Variants in TIMM9 observed in about 807,000 individuals in gnomAD.
The protein encoded by TIMM9 is mitochondrial import inner membrane translocase subunit Tim9.
TIMM9 carries 10 observed loss-of-function variants against 13.4 expected under a neutral mutation model. That is an observed-to-expected ratio of 0.75 (90% CI 0.46 to 1.26). TIMM9 has a LOEUF of 1.26. Among genes scored for constraint, TIMM9 ranks in the 50% most tolerant of loss-of-function variants. TIMM9 has a pLI of 0.00. For missense variants in TIMM9, 87 were observed against 100.8 expected (o/e 0.86, Z 0.58); for synonymous variants, 32 against 32.1 (o/e 1.00, Z 0.01).
chr14:58,419,697 G>C (rs1405347993), intron 3 of TIMM9, among the ~76,000 whole-genome samples: 1 of 151,946 alleles, frequency 6.6e-6, no homozygotes, highest in African/African-American at 2.4e-5. Context: ...CTTGAGGCCA[G>C]GAATTTGAGA....
chr14:58,409,064 G>A lies in TIMM9; in HGVS notation c.240C>T (p.Ala80=). 6.2e-7 allele frequency: 1 copy of A among 1,613,720 alleles called. No individual in the cohort carries two copies. Among genetic ancestry groups the A allele is most frequent in the Non-Finnish European group, 8.5e-7 (1 of 1,179,900 alleles). ...YHIQQNEALA[A]KAGLLGQPR ...GTGGTTGGCCAAGGAGTCCTGCTTT[G>A]GCTGCCAGGGCTTCATTCTGCTGAA... Residue 80 remains alanine, a synonymous_variant, in exon 6 of 6, where the codon GCC becomes GCT. Coordinates refer to ENST00000395159, the MANE Select transcript of TIMM9 (RefSeq NM_012460.4).
intron 3 of TIMM9, among the ~76,000 whole-genome samples, chr14:58,422,466 G>A (rs1334745753): frequency 2.0e-5 from 3 of 152,060 alleles, no homozygotes; most frequent in African/African-American, 7.2e-5. Context: ...GGTACCCTGT[G>A]CTGCCTCTAC....
chr14:58,410,695 A>G (rs2036187547), intron 5 of TIMM9, 148 bp downstream of exon 5: 2 of 569,352 alleles, frequency 3.5e-6, no homozygotes, highest in Admixed American at 6.8e-5. Context: ...GCCGTGGTTC[A>G]GTGGCTGCTT....
chr14:58,420,793 C>CAAAAAAAAAA, intron 3 of TIMM9, among the ~76,000 whole-genome samples: 1 of 57,506 alleles, frequency 1.7e-5, no homozygotes, highest in Non-Finnish European at 3.4e-5. Flanking sequence ...AAATCCATCT[C>CAAAAAAAAAA]AAAAAAAAAA....
intron 3 of TIMM9, among the ~76,000 whole-genome samples, chr14:58,419,185 G>A (rs755516494): frequency 1.6e-4 from 25 of 152,180 alleles, no homozygotes; most frequent in Non-Finnish European, 3.2e-4. Context: ...CAGGTGAGGT[G>A]GCTCACACCT....
intron 3 of TIMM9, among the ~76,000 whole-genome samples, chr14:58,414,736 C>CAAAAAAA (rs35380721): frequency 8.5e-6 from 1 of 117,556 alleles, no homozygotes; most frequent in Non-Finnish European, 1.7e-5. Context: ...GACGCCATCT[C>CAAAAAAA]AAAAAAAAAA....
chr14:58,423,887 C>G (rs1203401242), intron 3 of TIMM9, 121 bp downstream of exon 3: 3 of 152,184 alleles, frequency 2.0e-5, no homozygotes, highest in Non-Finnish European at 2.9e-5. Context: ...ATTCAAGAAT[C>G]ACTGGCTTAG....
Position 58,427,376 on chromosome 14 carries a change from T to C in TIMM9, c.-304+16A>G. ...ATGACCCGAATCTGTCGAAACTTCT[T>C]GGAAGCCTAATTTACCTAATCCCAC... On this transcript the variant is annotated intron_variant, in intron 1 of 5. Transcript: ENST00000395159. 2.2e-6 allele frequency: 1 copy of C among 462,012 alleles called. No individual in the cohort carries two copies. Among genetic ancestry groups the C allele is most frequent in the Non-Finnish European group, 3.9e-6 (1 of 255,552 alleles). 28.6% of individuals were successfully genotyped at this position (462,012 alleles called of 1,614,324 possible).
At chr14:58,427,334 C>A in intron 1 of TIMM9, 58 bp downstream of exon 1, 1 of 373,292 alleles carries the variant, frequency 2.7e-6, no homozygotes, top group Non-Finnish European at 5.0e-6. Flanking sequence ...TTTCTATTCC[C>A]GACTTCCTCT....
At chr14:58,409,287 A>G (rs2036131897) in intron 5 of TIMM9, 119 bp from the exon 6 acceptor site, 1 of 1,113,916 alleles carries the variant, frequency 9.0e-7, no homozygotes, top group African/African-American at 1.6e-5. Context: ...CTGAGAATTA[A>G]ATAGTACTAA....
intron 3 of TIMM9, among the ~76,000 whole-genome samples, chr14:58,422,474 T>C (rs895792730): frequency 6.6e-6 from 1 of 152,222 alleles, no homozygotes; most frequent in Admixed American, 6.5e-5. Flanking sequence ...GTGCTGCCTC[T>C]ACACACATCT....
intron 3 of TIMM9, among the ~76,000 whole-genome samples, chr14:58,423,174 G>A (rs1260909476): frequency 1.3e-5 from 2 of 151,682 alleles, no homozygotes; most frequent in African/African-American, 4.8e-5. Flanking sequence ...GTTTTCTTAA[G>A]TCTGCTTAAA....
In TIMM9 at chr14:58,422,499, A is replaced by G. The variant is rs139347489; in HGVS notation, c.-27+1509T>C. Among the ~76,000 whole-genome samples, 17 of 152,282 alleles carry G rather than the reference A, an allele frequency of 1.1e-4. No homozygotes were observed. In the East Asian group the frequency reaches 3.1e-3, roughly 28 times the overall value. ...TACACACATCTTGTCCTTATTATAT[A>G]TCTCATGGTGATAAATGATGGTTGT... On this transcript the variant is annotated intron_variant, in intron 3 of 5. Coordinates refer to ENST00000395159, the MANE Select transcript of TIMM9 (RefSeq NM_012460.4).
At chr14:58,416,449 A>G (rs2036411945) in intron 3 of TIMM9, among the ~76,000 whole-genome samples, 1 of 152,188 alleles carries the variant, frequency 6.6e-6, no homozygotes, top group East Asian at 1.9e-4. Context: ...AGTGAAAACA[A>G]CCTTGAGAAA....
At position 58,410,927 on chromosome 14, in the gene TIMM9, A is replaced by C; in HGVS notation, c.51T>G (p.Phe17Leu). 2 of 1,612,082 alleles carry C rather than the reference A, an allele frequency of 1.2e-6. No individual in the cohort carries two copies. The highest frequency in any genetic ancestry group is 1.7e-6 in the Non-Finnish European group (2 of 1,179,102). ...ESDQIKQFKEFLGTYNKLTET... is the reference protein window; with the variant it reads ...ESDQIKQFKELLGTYNKLTET... ...CTGTAAGTTTATTGTAGGTCCCCAG[A>C]AATTCCTTAAACTACAAACAAACCA... The change falls in exon 5 of 6, where the codon TTT becomes TTG. Residue 17 changes from phenylalanine to leucine, a missense_variant. Transcript: ENST00000395159.
intron 3 of TIMM9, among the ~76,000 whole-genome samples, chr14:58,414,008 GAAAAAAAAAAAAAAAAA>G (rs10656955): frequency 1.2e-4 from 3 of 24,174 alleles, no homozygotes; most frequent in Non-Finnish European, 1.9e-4. Flanking sequence ...TTCCGTCTCA[GAAAAAAAAAAAAAAAAA>G]AAAAAAAAAA....
chr14:58,415,435 C>A (rs1420397090), intron 3 of TIMM9, among the ~76,000 whole-genome samples: 2 of 152,020 alleles, frequency 1.3e-5, no homozygotes, highest in African/African-American at 4.8e-5. Flanking sequence ...TTTTAAATAG[C>A]ACCTTGTAAA....
rs6763 is a variant in TIMM9 at position 58,427,095 on chromosome 14, G to C, written c.-156C>G. The C allele has an allele frequency of 0.83, 132,076 of 158,722 alleles. 57,027 individuals are homozygous for C. Among genetic ancestry groups the C allele is most frequent in the East Asian group, 0.99 (5,299 of 5,370 alleles). 9.8% of individuals were successfully genotyped at this position (158,722 alleles called of 1,614,324 possible). ...GCATCCGACATCAGTACAAGGCTGG[G>C]GGTTGTTGGGGGACGGTTGAGCCTT... On this transcript the variant is annotated 5_prime_UTR_variant, in exon 2 of 6. Coordinates refer to ENST00000395159, the MANE Select transcript of TIMM9 (RefSeq NM_012460.4).
At chr14:58,409,719 C>T (rs1254551243) in intron 5 of TIMM9, among the ~76,000 whole-genome samples, 1 of 152,090 alleles carries the variant, frequency 6.6e-6, no homozygotes, top group Non-Finnish European at 1.5e-5. Flanking sequence ...GCTGGGACTA[C>T]AGGTGCCTGC....
Sources: gnomAD v4.1 joint callset for allele counts (sites outside exome capture counted in the v4.1 genomes callset) on GRCh38, gnomAD v4.1.1 for gene constraint, MANE v1.5 for transcripts, NCBI Gene and HGNC (gene_info 2026-07-23, HGNC 2026-07-21) for gene names.